Variants in FHIT observed in about 807,000 individuals in gnomAD.
FHIT encodes bis(5'-adenosyl)-triphosphatase.
In FHIT, 19 loss-of-function variants were observed where a neutral mutation model predicts 17.9. That is an observed-to-expected ratio of 1.06 (90% CI 0.74 to 1.56). The LOEUF (loss-of-function observed/expected upper bound fraction) is 1.56. Ranked by LOEUF, FHIT falls within the 40% of genes most tolerant of loss-of-function variation. The pLI is 0.00. For synonymous variants in FHIT, 81 were observed against 69.7 expected (o/e 1.16, Z -0.81); for missense variants, 248 against 189.2 (o/e 1.31, Z -1.82).
At chr3:60,818,564 G>C (rs1701814699) in intron 4 of FHIT, among the ~76,000 whole-genome samples, 1 of 152,072 alleles carries the variant, frequency 6.6e-6, no homozygotes, top group African/African-American at 2.4e-5. Context: ...TTTATCAAGT[G>C]CATATTCATC....
intron 3 of FHIT, among the ~76,000 whole-genome samples, chr3:60,992,539 A>T (rs9862895): frequency 0.019 from 2,851 of 152,268 alleles, 90 homozygotes; most frequent in African/African-American, 0.064. Flanking sequence ...CCCGTTTCTA[A>T]GTTAAACAGC....
intron 2 of FHIT, among the ~76,000 whole-genome samples, chr3:61,096,325 A>G (rs1370375001): frequency 1.3e-5 from 2 of 152,162 alleles, no homozygotes; most frequent in Non-Finnish European, 2.9e-5. Context: ...TTCACCAACA[A>G]AAGTTATTCC....
intron 7 of FHIT, among the ~76,000 whole-genome samples, chr3:59,935,098 C>G (rs996221098): frequency 1.3e-5 from 2 of 152,146 alleles, no homozygotes; most frequent in Non-Finnish European, 2.9e-5. Flanking sequence ...AAGATAGAGT[C>G]TTCCTGTTCA....
intron 2 of FHIT, among the ~76,000 whole-genome samples, chr3:61,097,965 T>C (rs2035694908): frequency 6.6e-6 from 1 of 152,238 alleles, no homozygotes; most frequent in African/African-American, 2.4e-5. Context: ...TAGATCTCAT[T>C]TGTCAATTTT....
intron 5 of FHIT, among the ~76,000 whole-genome samples, chr3:60,450,264 A>G (rs1481191497): frequency 6.6e-6 from 1 of 152,042 alleles, no homozygotes; most frequent in African/African-American, 2.4e-5. Flanking sequence ...TGTCTACGTC[A>G]ACACTGGGCA....
intron 5 of FHIT, among the ~76,000 whole-genome samples, chr3:60,138,285 G>A (rs1437193957): frequency 6.6e-6 from 1 of 152,156 alleles, no homozygotes; most frequent in African/African-American, 2.4e-5. Context: ...TGAACCAAGG[G>A]AATGAGTGAC....
chr3:60,014,315 G>T (rs1010176615), intron 5 of FHIT, among the ~76,000 whole-genome samples, 163 bp from the exon 6 acceptor site: 1 of 152,216 alleles, frequency 6.6e-6, no homozygotes, highest in Non-Finnish European at 1.5e-5. Context: ...CCAGAGAGTT[G>T]AAAGAGAGCT....
At chr3:60,605,042 A>G (rs2038566117) in intron 4 of FHIT, among the ~76,000 whole-genome samples, 1 of 152,088 alleles carries the variant, frequency 6.6e-6, no homozygotes, top group Admixed American at 6.5e-5. Flanking sequence ...TAAAATTAGG[A>G]TTTCTATGCT....
At chr3:60,293,578 T>C (rs1576433354) in intron 5 of FHIT, among the ~76,000 whole-genome samples, 1 of 152,258 alleles carries the variant, frequency 6.6e-6, no homozygotes, top group East Asian at 1.9e-4. Flanking sequence ...TCTTCCACAG[T>C]ATTATAGGGC....
chr3:60,101,127 C>A (rs1285325613), intron 5 of FHIT, among the ~76,000 whole-genome samples: 1 of 152,222 alleles, frequency 6.6e-6, no homozygotes, highest in Non-Finnish European at 1.5e-5. Context: ...GCCCCCGCTC[C>A]CTATTCTAAT....
chr3:59,887,943 T>C (rs1198345694), intron 8 of FHIT, among the ~76,000 whole-genome samples: 1 of 152,322 alleles, frequency 6.6e-6, no homozygotes, highest in East Asian at 1.9e-4. Flanking sequence ...TTTATTAGCA[T>C]GCAGGGGCCA....
intron 5 of FHIT, among the ~76,000 whole-genome samples, chr3:60,024,561 G>A (rs542486576): frequency 9.7e-4 from 147 of 152,314 alleles, no homozygotes; most frequent in African/African-American, 3.3e-3. Context: ...ATAAGACACT[G>A]AGGATACAGC....
At chr3:61,169,572 T>C (rs1243253402) in intron 2 of FHIT, among the ~76,000 whole-genome samples, 2 of 152,194 alleles carry the variant, frequency 1.3e-5, no homozygotes, top group African/African-American at 4.8e-5. Context: ...ATGAATTTAG[T>C]TGGAAGTAAT....
chr3:60,523,252 T>C (rs1175948765), intron 5 of FHIT, among the ~76,000 whole-genome samples: 1 of 152,180 alleles, frequency 6.6e-6, no homozygotes, highest in Admixed American at 6.5e-5. Flanking sequence ...ATATTTTATA[T>C]CTATTTGATG....
intron 4 of FHIT, among the ~76,000 whole-genome samples, chr3:60,562,308 G>C (rs1391972620): frequency 1.3e-5 from 2 of 152,194 alleles, no homozygotes; most frequent in Non-Finnish European, 2.9e-5. Flanking sequence ...GACTAAATGA[G>C]TTAGTAACAT....
intron 8 of FHIT, among the ~76,000 whole-genome samples, chr3:59,879,492 T>C (rs374085001): frequency 4.6e-5 from 7 of 152,212 alleles, no homozygotes; most frequent in African/African-American, 1.7e-4. Context: ...CAATTGATAA[T>C]GATCTAAAGA....
intron 7 of FHIT, among the ~76,000 whole-genome samples, chr3:59,934,278 G>T (rs1385812): frequency 0.76 from 116,128 of 151,994 alleles, 44,932 homozygotes; most frequent in East Asian, 0.9. Context: ...GTGGAATGAG[G>T]AGGTCTGCCC....
chr3:60,122,822 T>C (rs1021414180), intron 5 of FHIT, among the ~76,000 whole-genome samples: 1 of 152,214 alleles, frequency 6.6e-6, no homozygotes, highest in African/African-American at 2.4e-5. Flanking sequence ...ACTTTAAAGA[T>C]TAAATTACAA....
intron 5 of FHIT, among the ~76,000 whole-genome samples, chr3:60,340,907 G>A (rs370357683): frequency 6.6e-6 from 1 of 152,236 alleles, no homozygotes; most frequent in South Asian, 2.1e-4. Flanking sequence ...GGCCAGGCTG[G>A]TCTCTAACTC....
Sources: gnomAD v4.1 joint callset for allele counts (sites outside exome capture counted in the v4.1 genomes callset) on GRCh38, gnomAD v4.1.1 for gene constraint, MANE v1.5 for transcripts, NCBI Gene and HGNC (gene_info 2026-07-23, HGNC 2026-07-21) for gene names.